Variants in PGA5 observed in about 807,000 individuals in gnomAD.
PGA5 encodes the protein pepsin A-5.
In PGA5, 19 loss-of-function variants were observed where a neutral mutation model predicts 15.9. The observed-to-expected ratio is 1.19, with a 90% CI of 0.83 to 1.75. The LOEUF (loss-of-function observed/expected upper bound fraction) is 1.75, where lower values mean the gene tolerates loss of function less well. Among genes scored for constraint, PGA5 ranks in the 40% most tolerant of loss-of-function variants. PGA5 has a pLI of 0.00. For synonymous variants in PGA5, 92 were observed against 95.8 expected (o/e 0.96, Z 0.23); for missense variants, 224 against 246.4 (o/e 0.91, Z 0.61).
chr11:61,246,479 G>T (rs1466606331), intron 5 of PGA5, among the ~76,000 whole-genome samples: 3 of 151,882 alleles, frequency 2.0e-5, no homozygotes, highest in Non-Finnish European at 1.5e-5. Context: ...CAGTTAGCCA[G>T]GCATGGTGTC....
chr11:61,246,385 C>T (rs938397246), intron 5 of PGA5, among the ~76,000 whole-genome samples: 2 of 151,574 alleles, frequency 1.3e-5, no homozygotes, highest in African/African-American at 4.9e-5. Flanking sequence ...CCTTGATGTG[C>T]ACAACTCAAA....
chr11:61,247,396 G>C (rs1854079637), intron 5 of PGA5, among the ~76,000 whole-genome samples: 1 of 151,280 alleles, frequency 6.6e-6, no homozygotes, highest in African/African-American at 2.4e-5. Context: ...GTCTACCTCA[G>C]CATCCCGAGT....
At chr11:61,251,096 G>A (rs1854134246) in intron 8 of PGA5, 36 bp from the exon 9 acceptor site, 5 of 1,611,684 alleles carry the variant, frequency 3.1e-6, no homozygotes, top group Non-Finnish European at 4.2e-6. Flanking sequence ...GGCTGAATCG[G>A]TGTCCCAGCT....
At chr11:61,247,281 C>CT (rs1173101519) in intron 5 of PGA5, among the ~76,000 whole-genome samples, 11,393 of 139,102 alleles carry the variant, frequency 0.082, 1,236 homozygotes, top group African/African-American at 0.24. Flanking sequence ...TGATTAATTT[C>CT]TTTTTTTTTT....
At chr11:61,250,074 C>A (rs1217735414) in intron 8 of PGA5, 60 bp downstream of exon 8, 2 of 1,576,462 alleles carry the variant, frequency 1.3e-6, no homozygotes, top group Admixed American at 1.8e-5. Context: ...CACAGAGTCC[C>A]CTTCTGCAGA....
At chr11:61,250,792 G>T (rs1000944254) in intron 8 of PGA5, 10 of 534,170 alleles carry the variant, frequency 1.9e-5, no homozygotes, top group African/African-American at 1.5e-4. Context: ...GATGAGATAA[G>T]AATAATAATG....
chr11:61,247,405 G>C (rs1268687067), intron 5 of PGA5, among the ~76,000 whole-genome samples: 1 of 151,648 alleles, frequency 6.6e-6, no homozygotes, highest in Non-Finnish European at 1.5e-5. Context: ...AGCATCCCGA[G>C]TAGCTGGGAC....
chr11:61,249,563 G>A (rs1854109800), intron 6 of PGA5, 106 bp from the exon 7 acceptor site: 62 of 1,593,280 alleles, frequency 3.9e-5, no homozygotes, highest in Non-Finnish European at 5.3e-5. Context: ...TCACGCATTG[G>A]CCAATGGATG....
intron 8 of PGA5, 52 bp downstream of exon 8, chr11:61,250,066 C>A (rs769541559): frequency 6.3e-7 from 1 of 1,587,044 alleles, no homozygotes; most frequent in East Asian, 2.3e-5. Context: ...AATGTGGACA[C>A]AGAGTCCCCT....
At chr11:61,250,327 C>T (rs1049314422) in intron 8 of PGA5, among the ~76,000 whole-genome samples, 3 of 151,346 alleles carry the variant, frequency 2.0e-5, no homozygotes, top group Non-Finnish European at 2.9e-5. Context: ...AGCTACAGCT[C>T]ATCTCACCCT....
At position 61,248,478 on chromosome 11, in the gene PGA5, G is replaced by C. The variant is rs929001465; in HGVS notation, c.716G>C (p.Gly239Ala). The change falls in exon 6 of 9, where the codon GGA becomes GCA. Residue 239 changes from glycine to alanine, a missense_variant. Physicochemically the swap from Gly to Ala is moderately conservative, Grantham distance 60. Coordinates refer to ENST00000312403, the MANE Select transcript of PGA5 (RefSeq NM_014224.5). ...GGCATTGACTCTTCTTACTACACTG[G>C]AAGTCTGAACTGGGTGCCTGTTACC... Reference protein sequence around the residue: ...FGGIDSSYYTGSLNWVPVTVE... With the variant: ...FGGIDSSYYTASLNWVPVTVE... 6.2e-7 allele frequency: 1 copy of C among 1,613,572 alleles called. No homozygotes were observed.
rs147157395 is a variant in PGA5, at chr11:61,250,081, C to T, written c.1017+67C>T. ...AATGTGGACACAGAGTCCCCTTCTG[C>T]AGAGGGAAAGTACACTTCCACGAGC... On this transcript the variant is annotated intron_variant, in intron 8 of 8. Coordinates refer to ENST00000312403, the MANE Select transcript of PGA5 (RefSeq NM_014224.5). 44 of 1,568,716 alleles carry T rather than the reference C, an allele frequency of 2.8e-5. No individual in the cohort carries two copies. The East Asian group carries it at 3.3e-4, about 12-fold the overall frequency.
chr11:61,246,601 A>C (rs1179387426), intron 5 of PGA5, among the ~76,000 whole-genome samples: 2 of 151,738 alleles, frequency 1.3e-5, no homozygotes, highest in South Asian at 2.1e-4. Flanking sequence ...GTCTCTACTA[A>C]AAAATACAAA....
rs572556716 is a variant in PGA5 at position 61,248,630 on chromosome 11, G to A, written c.773+95G>A. On this transcript the variant is annotated intron_variant, in intron 6 of 8. Transcript: ENST00000312403. ...CAATCAGCTTTCCAGAATCCCCCCA[G>A]GAACAGCTGGCACAGGGGAACACAC... The A allele has an allele frequency of 2.5e-6, 4 of 1,573,688 alleles. No homozygotes were observed. In the African/African-American group the frequency reaches 4.1e-5, roughly 16 times the overall value.
intron 6 of PGA5, chr11:61,249,465 T>C (rs898988485): frequency 2.6e-4 from 265 of 1,036,770 alleles, no homozygotes; most frequent in Non-Finnish European, 3.2e-4. Flanking sequence ...GCGTTTCCCA[T>C]GCCTGGCAGA....
At chr11:61,249,622 A>T (rs1039054821) in intron 6 of PGA5, 47 bp from the exon 7 acceptor site, 1 of 1,613,518 alleles carries the variant, frequency 6.2e-7, no homozygotes, top group Non-Finnish European at 8.5e-7. Flanking sequence ...CCTTGGAGAG[A>T]TGAACCCCTG....
At position 61,250,115 on chromosome 11, in the gene PGA5, G is replaced by A. The variant is rs530583919; in HGVS notation, c.1017+101G>A. 1.5e-3 allele frequency: 2,138 copies of A among 1,421,142 alleles called. 12 individuals carry two copies. The highest frequency in any genetic ancestry group is 6.1e-3 in the South Asian group (501 of 81,884). The allele number at this position is 1,421,142 out of a possible 1,614,324, so 88.0% of individuals were successfully genotyped here. ...AGTACACTTCCACGAGCTGAAGCCAGCAGGCAGAGGCAGACGAACATCTGC... is the reference window on the plus strand; with the variant it reads ...AGTACACTTCCACGAGCTGAAGCCAACAGGCAGAGGCAGACGAACATCTGC... On this transcript the variant is annotated intron_variant, in intron 8 of 8. Transcript: ENST00000312403.
At chr11:61,248,218 T>C in intron 5 of PGA5, 2 of 1,308,828 alleles carry the variant, frequency 1.5e-6, no homozygotes, top group Non-Finnish European at 2.2e-6. Flanking sequence ...TCAGGCTCAG[T>C]GTCCTCATGG....
chr11:61,248,273 C>T, intron 5 of PGA5, 146 bp from the exon 6 acceptor site: 1 of 1,592,730 alleles, frequency 6.3e-7, no homozygotes, highest in Non-Finnish European at 8.6e-7. Flanking sequence ...GGGCCCTGGC[C>T]TAAGAGGAAA....
Sources: allele counts gnomAD v4.1 joint callset (sites outside exome capture counted in the v4.1 genomes callset), GRCh38; gene constraint gnomAD v4.1.1; transcripts MANE v1.5; gene names NCBI Gene and HGNC (gene_info 2026-07-23, HGNC 2026-07-21).